LRP4: variants seen among roughly 807,000 people sequenced by gnomAD.
The protein encoded by LRP4 is LDL receptor related protein 4, also known as low-density lipoprotein receptor-related protein 4.
In LRP4, 95 loss-of-function variants were observed where a neutral mutation model predicts 220.3. The ratio of observed to expected loss-of-function variants is 0.43; its 90% CI spans 0.37 to 0.51. LRP4 has a LOEUF of 0.51. LRP4 is among the 20% of genes least tolerant of loss of function. The pLI is 0.00. For missense variants in LRP4, 1,925 were observed against 2,567.0 expected (o/e 0.75, Z 5.40); for synonymous variants, 903 against 954.6 (o/e 0.95, Z 1.00).
At chr11:46,914,783 A>G (rs536073150) in intron 1 of LRP4, among the ~76,000 whole-genome samples, 1 of 152,366 alleles carries the variant, frequency 6.6e-6, no homozygotes. Flanking sequence ...CATAAAAAAG[A>G]CAAGATTACT....
At chr11:46,870,541 A>G (rs954246487) in intron 31 of LRP4, among the ~76,000 whole-genome samples, 1 of 152,172 alleles carries the variant, frequency 6.6e-6, no homozygotes, top group Non-Finnish European at 1.5e-5. Context: ...CTCCTGCCTC[A>G]GCCTCCTGAG....
At chr11:46,884,362 GAGAGGCCGAGGCA>G in intron 18 of LRP4, among the ~76,000 whole-genome samples, 1 of 152,132 alleles carries the variant, frequency 6.6e-6, no homozygotes, top group South Asian at 2.1e-4. Flanking sequence ...CCAGCACTTT[GAGAGGCCGAGGCA>G]AGTGGATCAT....
At position 46,918,466 on chromosome 11, in the gene LRP4, A is replaced by C. The variant is rs1367551370; in HGVS notation, c.-87T>G. On this transcript the variant is annotated 5_prime_UTR_variant, in exon 1 of 38. Transcript: ENST00000378623. The surrounding 1 kb of genome is among the most constrained non-coding windows in gnomAD (Gnocchi z 6.0). ...AGCCCGCGGAGGGTCCCCGAGGGGG[A>C]AGCGTCCCGGGTGCACGGCGGCCTG... 1 of 1,053,750 alleles carries C rather than the reference A, an allele frequency of 9.5e-7. No homozygotes were observed. The highest frequency in any genetic ancestry group is 1.2e-6 in the Non-Finnish European group (1 of 830,754). The allele number at this position is 1,053,750 out of a possible 1,614,324, so 65.3% of individuals were successfully genotyped here.
At chr11:46,916,204 C>T (rs905089450) in intron 1 of LRP4, among the ~76,000 whole-genome samples, 9 of 151,950 alleles carry the variant, frequency 5.9e-5, no homozygotes, top group African/African-American at 2.2e-4. Context: ...TTTGGGAGGC[C>T]GAGGCAGGTG....
chr11:46,912,830 C>A (rs911149035), intron 1 of LRP4, among the ~76,000 whole-genome samples: 1 of 152,264 alleles, frequency 6.6e-6, no homozygotes, highest in African/African-American at 2.4e-5. Context: ...CAAAAAGGCA[C>A]TGCCTGGAGC....
chr11:46,896,234 C>A lies in LRP4; in HGVS notation c.1024G>T (p.Asp342Tyr). The part of the protein sequence containing the change: ...NGVNDCGDNS[D>Y]ESPQQNCRPR... Reference sequence around the variant, plus strand: ...CGGCAATTCTGCTGTGGGCTTTCGTCGCTGTTGTCACCACAGTCGTTGACC... The same window carrying A: ...CGGCAATTCTGCTGTGGGCTTTCGTAGCTGTTGTCACCACAGTCGTTGACC... The change falls in exon 9 of 38, where the codon GAC becomes TAC. Residue 342 changes from aspartate (D) to tyrosine (Y), a missense_variant. Asp to Tyr is a radical substitution (Grantham distance 160). Around this residue, in one of 3 missense-constraint regions of LRP4, gnomAD observed 412 missense variants for 505.4 expected, o/e 0.82. Coordinates refer to ENST00000378623, the MANE Select transcript of LRP4 (RefSeq NM_002334.4). 6.2e-7 allele frequency: 1 copy of A among 1,614,096 alleles called. No individual in the cohort carries two copies. Among genetic ancestry groups the A allele is most frequent in the Non-Finnish European group, 8.5e-7 (1 of 1,180,056 alleles).
Position 46,876,261 on chromosome 11 carries a change from C to T in LRP4, c.3536+205G>A, listed in dbSNP as rs186733264. Among the ~76,000 whole-genome samples, 28 of 152,170 alleles carry T rather than the reference C, an allele frequency of 1.8e-4. 1 individual carries two copies. The East Asian group carries it at 3.3e-3, about 18-fold the overall frequency. On this transcript the variant is annotated intron_variant, in intron 25 of 37. Coordinates refer to ENST00000378623, the MANE Select transcript of LRP4 (RefSeq NM_002334.4). ...TAATACATGATGAAAACATTTCAAT[C>T]CTGGTATTCTGATTCAAGGCTCATG...
intron 7 of LRP4, among the ~76,000 whole-genome samples, chr11:46,898,213 T>C (rs1027999887): frequency 6.6e-6 from 1 of 152,214 alleles, no homozygotes; most frequent in African/African-American, 2.4e-5. Context: ...ATTGTCTTGT[T>C]TTTTGAGATG....
chr11:46,892,546 G>C (rs1216553028), intron 13 of LRP4, among the ~76,000 whole-genome samples: 2 of 150,366 alleles, frequency 1.3e-5, no homozygotes, highest in South Asian at 2.1e-4. Flanking sequence ...GTGGGGGACA[G>C]AGCCCATGTT....
Position 46,878,652 on chromosome 11 carries a change from G to T in LRP4, c.3136+255C>A, listed in dbSNP as rs550725626. 2.5e-4 allele frequency among the ~76,000 whole-genome samples: 38 copies of T among 152,224 alleles called. No homozygotes were observed. In the South Asian group the frequency reaches 7.9e-3, roughly 32 times the overall value. ...GAGAGGAAAGTGTCTTGAGAAAGGA[G>T]CATCTTTATCTAATATGCATGAAGA... On this transcript the variant is annotated intron_variant, in intron 22 of 37. Transcript: ENST00000378623.
intron 31 of LRP4, 105 bp downstream of exon 31, chr11:46,871,420 A>G (rs555926558): frequency 1.2e-6 from 1 of 851,056 alleles, no homozygotes; most frequent in South Asian, 1.4e-5. Context: ...ATGAGCTGCA[A>G]TAGCACGTCT....
At chr11:46,868,841 C>CGCGAGGGAGTAAAAAGTTCTA in intron 32 of LRP4, 128 bp from the exon 33 acceptor site, 1 of 1,275,524 alleles carries the variant, frequency 7.8e-7, no homozygotes, top group Admixed American at 1.8e-5. Flanking sequence ...GAGATACAAC[C>CGCGAGGGAGTAAAAAGTTCTA]GCGAGGGAGT....
intron 1 of LRP4, among the ~76,000 whole-genome samples, chr11:46,903,846 C>G (rs1941713415): frequency 4.6e-5 from 7 of 152,220 alleles, no homozygotes; most frequent in Admixed American, 4.6e-4. Flanking sequence ...TGGCACAGGC[C>G]ACAGCCTTGA....
At chr11:46,913,245 G>A (rs868550085) in intron 1 of LRP4, among the ~76,000 whole-genome samples, 7 of 152,196 alleles carry the variant, frequency 4.6e-5, no homozygotes, top group Admixed American at 2.6e-4. Flanking sequence ...AGGGCACCTA[G>A]GATGTTTGCT....
Position 46,868,132 on chromosome 11 carries a change from TTGGAG to T in LRP4, c.4952-23_4952-19del, listed in dbSNP as rs1476470363. The T allele has an allele frequency of 6.2e-7, 1 of 1,613,700 alleles. No individual in the cohort carries two copies. Among genetic ancestry groups the T allele is most frequent in the African/African-American group, 1.3e-5 (1 of 74,870 alleles). ...GCCAGGCACTAGACAAAAAAGAGGATTGGAGTGGGCCACTGGAACCATAAACATCT... is the reference window on the plus strand; with the variant it reads ...GCCAGGCACTAGACAAAAAAGAGGATTGGGCCACTGGAACCATAAACATCT... On this transcript the variant is annotated intron_variant, in intron 33 of 37. Transcript: ENST00000378623.
rs191188907 is a variant in LRP4 at position 46,892,633 on chromosome 11, G to A, written c.1697+340C>T. ...TTCTCCCAGGCTGGAGTGCAGTGGC[G>A]CAATCTCAGCTCACTGTAACCTGTG... On this transcript the variant is annotated intron_variant, in intron 13 of 37. Transcript: ENST00000378623. Among the ~76,000 whole-genome samples, 234 of 149,166 alleles carry A rather than the reference G, an allele frequency of 1.6e-3. 4 individuals carry two copies. Among genetic ancestry groups the A allele is most frequent in the East Asian group, 9.8e-4 (5 of 5,086 alleles).
rs372878354 is a variant in LRP4 at position 46,868,112 on chromosome 11, G to C, written c.4954C>G (p.Pro1652Ala). 5.0e-6 allele frequency: 8 copies of C among 1,613,920 alleles called. No individual in the cohort carries two copies. The African/African-American group carries it at 9.3e-5, about 19-fold the overall frequency. ...CTAGGAGCTGGTGGTACCAGGCCAG[G>C]CACTAGACAAAAAAGAGGATTGGAG... is the stretch of plus-strand genomic sequence containing the variant. Reference protein sequence around the residue: ...EPDSRPCSLVPGLVPPAPRAT... With the variant: ...EPDSRPCSLVAGLVPPAPRAT... The change falls in exon 34 of 38, where the codon CCT becomes GCT. Residue 1652 changes from proline to alanine, a missense_variant and splice_region_variant. By Grantham distance (27) the Pro-to-Ala change is conservative (BLOSUM62 -1). Transcript: ENST00000378623.
In LRP4 at chr11:46,871,579, C is replaced by T; in HGVS notation, c.4638G>A (p.Gly1546=). 1 of 1,613,460 alleles carries T rather than the reference C, an allele frequency of 6.2e-7. No homozygotes were observed. The highest frequency in any genetic ancestry group is 8.5e-7 in the Non-Finnish European group (1 of 1,179,716). Reference sequence around the variant, plus strand: ...GGCTGACCAAGACCTGCCGCAGTTTCCCATTGAGGTCAGCACTCTCGATCC... The same window carrying T: ...GGCTGACCAAGACCTGCCGCAGTTTTCCATTGAGGTCAGCACTCTCGATCC... ...LDRIESADLN[G]KLRQVLVSHV... Residue 1546 remains glycine, a synonymous_variant, in exon 31 of 38, where the codon GGG becomes GGA. Coordinates refer to ENST00000378623, the MANE Select transcript of LRP4 (RefSeq NM_002334.4).
intron 36 of LRP4, among the ~76,000 whole-genome samples, chr11:46,863,771 CA>C (rs1448594115): frequency 1.3e-5 from 2 of 151,124 alleles, no homozygotes; most frequent in Non-Finnish European, 3.0e-5. Flanking sequence ...AAAAATAAGA[CA>C]AAAATTAAAA....
Sources: gnomAD v4.1 joint callset for allele counts (sites outside exome capture counted in the v4.1 genomes callset) on GRCh38, gnomAD v4.1.1 for gene constraint, gnomAD v4.1.1 regional missense constraint, Gnocchi (gnomAD v3.1) non-coding constraint, MANE v1.5 for transcripts, NCBI Gene and HGNC (gene_info 2026-07-23, HGNC 2026-07-21) for gene names.